CCDC124: variants seen among roughly 807,000 people sequenced by gnomAD.
The protein encoded by CCDC124 is coiled-coil domain containing 124.
A neutral mutation model predicts 19.8 loss-of-function variants in CCDC124; 9 were observed. The ratio of observed to expected loss-of-function variants is 0.45; its 90% CI spans 0.27 to 0.79. The LOEUF (loss-of-function observed/expected upper bound fraction) is 0.79. CCDC124 is among the 30% of genes least tolerant of loss of function. The pLI, the probability that CCDC124 is intolerant of heterozygous loss-of-function variation, is 0.14. For missense variants in CCDC124, 285 were observed against 319.0 expected, an observed-to-expected ratio of 0.89 and a Z score of 0.81; for synonymous variants, 126 against 131.3, an observed-to-expected ratio of 0.96 and a Z score of 0.27.
At chr19:17,935,503 C>G (rs150160220) in intron 1 of CCDC124, among the ~76,000 whole-genome samples, 47 of 152,150 alleles carry the variant, frequency 3.1e-4, no homozygotes, top group African/African-American at 1.1e-3. Context: ...TCATTGCAAC[C>G]TCCGCCTCCC....
In CCDC124 at chr19:17,936,578, A is replaced by G; in HGVS notation, c.158A>G (p.Lys53Arg). 1 of 1,612,016 alleles carries G rather than the reference A, an allele frequency of 6.2e-7. No homozygotes were observed. Among genetic ancestry groups the G allele is most frequent in the Non-Finnish European group, 8.5e-7 (1 of 1,179,200 alleles). ...CACGTCATGAGGAAGGAGCAGCGCA[A>G]GGTGCGTGCACTCCGAGTCCCCGCG... ...DKHVMRKEQR[K>R]EEKEKRRLDQ... Residue 53 changes from lysine (K) to arginine (R), a missense_variant and splice_region_variant, in exon 2 of 5, where the codon AAG becomes AGG. Transcript: ENST00000445755.
Position 17,942,587 on chromosome 19 carries a change from G to C in CCDC124, c.160-69G>C. The stretch of plus-strand genomic sequence containing the variant: ...TCCTCGTTGGCTGAGATGAAAACTC[G>C]AACCCCAGGCTAGTGGGTGGCGCGG... On this transcript the variant is annotated intron_variant, in intron 2 of 4. Coordinates refer to ENST00000445755, the MANE Select transcript of CCDC124 (RefSeq NM_001136203.2). This position sits in a 1 kb window ranked among gnomAD's most constrained non-coding sequence, Gnocchi z 4.2. 1 of 1,504,798 alleles carries C rather than the reference G, an allele frequency of 6.6e-7. No homozygotes were observed. The highest frequency in any genetic ancestry group is 9.0e-7 in the Non-Finnish European group (1 of 1,114,550). 93.2% of individuals were successfully genotyped at this position (1,504,798 alleles called of 1,614,324 possible).
chr19:17,933,609 G>C (rs1457363354), intron 1 of CCDC124, among the ~76,000 whole-genome samples: 1 of 152,082 alleles, frequency 6.6e-6, no homozygotes, highest in Admixed American at 6.6e-5. Context: ...GGGCTTCCCG[G>C]CTCTAACGCC....
At position 17,943,162 on chromosome 19, in the gene CCDC124, C is replaced by T; in HGVS notation, c.350-99C>T. ...CCCCCCTCATCTCTCCCGCCTTCCT[C>T]CCGCCCCTAGCTTCTCTTGCCAGTC... On this transcript the variant is annotated intron_variant, in intron 3 of 4. Transcript: ENST00000445755. The T allele has an allele frequency of 3.9e-6, 4 of 1,028,610 alleles. No homozygotes were observed. In the South Asian group the frequency reaches 5.5e-5, roughly 14 times the overall value. The allele number at this position is 1,028,610 out of a possible 1,614,324, so 63.7% of individuals were successfully genotyped here. A position where few individuals can be genotyped will look rare whatever the true frequency, so the allele number is the denominator to read the frequency against.
At chr19:17,936,151 C>T (rs567976437) in intron 1 of CCDC124, 220 of 337,058 alleles carry the variant, frequency 6.5e-4, no homozygotes, top group African/African-American at 4.3e-3. Flanking sequence ...GTGATCCGCC[C>T]GCCTCGGCCT....
At position 17,943,241 on chromosome 19, in the gene CCDC124, T is replaced by TGGGGGGGGGGC; in HGVS notation, c.350-20_350-19insGGGGGGGGGGC. 1 of 736,676 alleles carries TGGGGGGGGGGC rather than the reference T, an allele frequency of 1.4e-6. No homozygotes were observed. The highest frequency in any genetic ancestry group is 2.7e-5 in the East Asian group (1 of 37,086). The allele number at this position is 736,676 out of a possible 1,614,324, so 45.6% of individuals were successfully genotyped here. Reference sequence around the variant, plus strand: ...CTTTGCTTATCTCTCTCTGTCTCTGTCACCCACCCACCCGCCCAGCCGAGA... The same window carrying TGGGGGGGGGGC: ...CTTTGCTTATCTCTCTCTGTCTCTGTGGGGGGGGGGCCACCCACCCACCCGCCCAGCCGAGA... On this transcript the variant is annotated intron_variant, in intron 3 of 4. Coordinates refer to ENST00000445755, the MANE Select transcript of CCDC124 (RefSeq NM_001136203.2).
At chr19:17,934,532 TC>T (rs940111370) in intron 1 of CCDC124, among the ~76,000 whole-genome samples, 3 of 150,252 alleles carry the variant, frequency 2.0e-5, no homozygotes, top group African/African-American at 7.4e-5. Context: ...AGGCCTGTAA[TC>T]CCAGCACTTT....
chr19:17,943,082 C>T (rs927448107), intron 3 of CCDC124, among the ~76,000 whole-genome samples, 179 bp from the exon 4 acceptor site: 14 of 152,126 alleles, frequency 9.2e-5, no homozygotes, highest in African/African-American at 2.4e-4. Context: ...GAACTGGGCG[C>T]CGGGAGGGTG....
At chr19:17,938,639 T>G (rs919258809) in intron 2 of CCDC124, among the ~76,000 whole-genome samples, 2 of 152,138 alleles carry the variant, frequency 1.3e-5, no homozygotes, top group African/African-American at 4.8e-5. Flanking sequence ...TCACCCAGAC[T>G]GGAGTACAGT....
At chr19:17,933,201 T>C (rs956987874) in intron 1 of CCDC124, among the ~76,000 whole-genome samples, 153 bp downstream of exon 1, 5 of 152,170 alleles carry the variant, frequency 3.3e-5, no homozygotes, top group Non-Finnish European at 5.9e-5. Context: ...CCGCACCTAG[T>C]TGGGGGCGAT....
chr19:17,942,651 C>A lies in CCDC124; in HGVS notation c.160-5C>A. 1 of 1,553,730 alleles carries A rather than the reference C, an allele frequency of 6.4e-7. No individual in the cohort carries two copies. The highest frequency in any genetic ancestry group is 8.7e-7 in the Non-Finnish European group (1 of 1,148,730). On this transcript the variant is annotated splice_region_variant and splice_polypyrimidine_tract_variant and intron_variant, in intron 2 of 4. Transcript: ENST00000445755. This position sits in a 1 kb window ranked among gnomAD's most constrained non-coding sequence, Gnocchi z 4.2. Reference sequence around the variant, plus strand: ...TCTGCCTGACCATGCACGCCGCCCCCGCAGGAGGAGAAGGAGAAGCGGCGC... The same window carrying A: ...TCTGCCTGACCATGCACGCCGCCCCAGCAGGAGGAGAAGGAGAAGCGGCGC...
intron 2 of CCDC124, among the ~76,000 whole-genome samples, chr19:17,941,023 G>A (rs1488180843): frequency 6.6e-6 from 1 of 152,054 alleles, no homozygotes; most frequent in Non-Finnish European, 1.5e-5. Context: ...CTCCATCCTG[G>A]GCGACAGAGC....
intron 1 of CCDC124, among the ~76,000 whole-genome samples, chr19:17,934,216 A>T (rs2147777325): frequency 6.6e-6 from 1 of 151,648 alleles, no homozygotes; most frequent in East Asian, 1.9e-4. Flanking sequence ...GTGAAACCCC[A>T]TCTCTATAAA....
chr19:17,936,348 G>T lies in CCDC124; in HGVS notation c.-11-62G>T, dbSNP rs2031061792. 65 of 1,388,116 alleles carry T rather than the reference G, an allele frequency of 4.7e-5. 2 individuals carry two copies. In the South Asian group the frequency reaches 8.5e-4, roughly 18 times the overall value. The allele number at this position is 1,388,116 out of a possible 1,614,324, so 86.0% of individuals were successfully genotyped here. On this transcript the variant is annotated intron_variant, in intron 1 of 4. Coordinates refer to ENST00000445755, the MANE Select transcript of CCDC124 (RefSeq NM_001136203.2). ...CATGGCTGCCCAAGTGTGATTCTGG[G>T]GGTGCTGAGTGCCGATGTCCCCTCC...
chr19:17,935,167 C>T (rs1053987216), intron 1 of CCDC124: 2 of 152,804 alleles, frequency 1.3e-5, no homozygotes, highest in African/African-American at 2.4e-5. Flanking sequence ...CTGCCTCAGC[C>T]TCCCAAAGCA....
At chr19:17,943,232 C>T (rs1294359263) in intron 3 of CCDC124, 29 bp from the exon 4 acceptor site, 2 of 777,016 alleles carry the variant, frequency 2.6e-6, no homozygotes, top group Non-Finnish European at 2.2e-6. Context: ...TTATCTCTCT[C>T]TGTCTCTGTC....
In CCDC124 at chr19:17,943,630, T is replaced by G; in HGVS notation, c.587T>G (p.Leu196Arg). 6.2e-7 allele frequency: 1 copy of G among 1,612,894 alleles called. No individual in the cohort carries two copies. Among genetic ancestry groups the G allele is most frequent in the Non-Finnish European group, 8.5e-7 (1 of 1,179,954 alleles). Residue 196 changes from leucine to arginine, a missense_variant, in exon 5 of 5, where the codon CTG (leucine) becomes CGG (arginine). Transcript: ENST00000445755. ...AACCCCAACATGCGGCTGTCGCAGC[T>G]GAAACAGCTGCTCAAGAAGGAGTGG... ...QENPNMRLSQ[L>R]KQLLKKEWLR...
chr19:17,941,414 A>G (rs2031176972), intron 2 of CCDC124, among the ~76,000 whole-genome samples: 1 of 151,080 alleles, frequency 6.6e-6, no homozygotes, highest in African/African-American at 2.4e-5. Context: ...TGGGAGGCTG[A>G]GGCATGAGAA....
chr19:17,943,243 ACC>A lies in CCDC124; in HGVS notation c.350-16_350-15del. On this transcript the variant is annotated splice_polypyrimidine_tract_variant and intron_variant, in intron 3 of 4. Transcript: ENST00000445755. ...TTGCTTATCTCTCTCTGTCTCTGTC[ACC>A]CACCCACCCGCCCAGCCGAGAAAGC... is the stretch of plus-strand genomic sequence containing the variant. 15 of 430,530 alleles carry A rather than the reference ACC, an allele frequency of 3.5e-5. No homozygotes were observed. Among genetic ancestry groups the A allele is most frequent in the African/African-American group, 1.4e-4 (6 of 43,298 alleles). 26.7% of individuals were successfully genotyped at this position (430,530 alleles called of 1,614,324 possible).
Sources: gnomAD v4.1 joint callset for allele counts (sites outside exome capture counted in the v4.1 genomes callset) on GRCh38, gnomAD v4.1.1 for gene constraint, Gnocchi (gnomAD v3.1) non-coding constraint, MANE v1.5 for transcripts, NCBI Gene and HGNC (gene_info 2026-07-23, HGNC 2026-07-21) for gene names.